Variants in ABCC6 observed in about 807,000 individuals in gnomAD.
ABCC6 encodes ATP binding cassette subfamily C member 6.
A neutral mutation model predicts 169.5 loss-of-function variants in ABCC6; 126 were observed. The observed-to-expected ratio is 0.74, with a 90% CI of 0.64 to 0.86. The LOEUF is 0.86. Among genes scored for constraint, ABCC6 ranks in the 40% least tolerant of loss-of-function variants. The pLI is 0.00. For missense variants in ABCC6, 1,733 were observed against 1,927.2 expected (o/e 0.90, Z 1.89); for synonymous variants, 752 against 814.7 (o/e 0.92, Z 1.31).
At chr16:16,220,864 T>G (rs1313305289) in intron 2 of ABCC6, among the ~76,000 whole-genome samples, 2 of 149,694 alleles carry the variant, frequency 1.3e-5, no homozygotes, top group African/African-American at 4.9e-5. Context: ...ACCATTGCAC[T>G]CCAGCCTGGG....
chr16:16,185,596 C>G (rs942753754), intron 14 of ABCC6, among the ~76,000 whole-genome samples: 1 of 152,080 alleles, frequency 6.6e-6, no homozygotes, highest in Non-Finnish European at 1.5e-5. Flanking sequence ...CCAGCCTGGC[C>G]AACATGGCAA....
At chr16:16,206,992 C>G (rs1014932955) in intron 7 of ABCC6, among the ~76,000 whole-genome samples, 2 of 152,158 alleles carry the variant, frequency 1.3e-5, no homozygotes, top group Admixed American at 6.5e-5. Flanking sequence ...ATTTAAAAAT[C>G]AGCTAGATGT....
At chr16:16,166,619 C>A (rs928763788) in intron 22 of ABCC6, among the ~76,000 whole-genome samples, 12 of 151,966 alleles carry the variant, frequency 7.9e-5, no homozygotes, top group Non-Finnish European at 1.3e-4. Context: ...GTGGCTCATG[C>A]CTGTAATCAC....
chr16:16,153,833 G>C (rs745733397), intron 29 of ABCC6, among the ~76,000 whole-genome samples: 7 of 151,256 alleles, frequency 4.6e-5, no homozygotes, highest in Non-Finnish European at 1.0e-4. Context: ...GAGCCTGGGA[G>C]GTGGAGGTTG....
At chr16:16,182,696 G>A in intron 16 of ABCC6, 108 bp from the exon 17 acceptor site, 1 of 1,468,238 alleles carries the variant, frequency 6.8e-7, no homozygotes, top group South Asian at 1.1e-5. Flanking sequence ...GAGGTGGAGA[G>A]AATGAGTGAA....
rs997131721 is a variant in ABCC6, at chr16:16,221,935, A to G, written c.37-104T>C. The G allele has an allele frequency of 1.7e-4, 277 of 1,584,070 alleles. 1 individual carries two copies. In the African/African-American group the frequency reaches 3.2e-3, roughly 18 times the overall value. ...TTTTTGGATCTTTAACATTTACACA[A>G]AAATGTACCAAGTACTCTTTGGAAT... On this transcript the variant is annotated intron_variant, in intron 1 of 30. Coordinates refer to ENST00000205557, the MANE Select transcript of ABCC6 (RefSeq NM_001171.6).
chr16:16,157,114 G>C (rs2046575872), intron 27 of ABCC6, among the ~76,000 whole-genome samples: 1 of 152,028 alleles, frequency 6.6e-6, no homozygotes, highest in Non-Finnish European at 1.5e-5. Context: ...AAATGGGATA[G>C]TACTAGCACC....
intron 7 of ABCC6, among the ~76,000 whole-genome samples, chr16:16,208,246 A>C (rs2048457897): frequency 6.6e-6 from 1 of 152,154 alleles, no homozygotes; most frequent in African/African-American, 2.4e-5. Flanking sequence ...CTTAAGCCTG[A>C]TACTACTTAG....
intron 23 of ABCC6, 90 bp downstream of exon 23, chr16:16,165,533 G>T: frequency 6.9e-7 from 1 of 1,452,826 alleles, no homozygotes; most frequent in Non-Finnish European, 9.6e-7. Flanking sequence ...CCAGCTGGGT[G>T]AAACCTCATA....
chr16:16,212,714 A>T lies in ABCC6; in HGVS notation c.601-468T>A, dbSNP rs2048680915. Among the ~76,000 whole-genome samples, 3 of 151,956 alleles carry T rather than the reference A, an allele frequency of 2.0e-5. No individual in the cohort carries two copies. The South Asian group carries it at 6.2e-4, about 31-fold the overall frequency. On this transcript the variant is annotated intron_variant, in intron 5 of 30. Transcript: ENST00000205557. ...GCTTCCCAGCAGGCAGCGTAAAAAGAGGTTGGGCCACAGGCCTGACAATGT... is the reference window on the plus strand; with the variant it reads ...GCTTCCCAGCAGGCAGCGTAAAAAGTGGTTGGGCCACAGGCCTGACAATGT...
chr16:16,207,022 C>T (rs2048414008), intron 7 of ABCC6, among the ~76,000 whole-genome samples: 1 of 152,204 alleles, frequency 6.6e-6, no homozygotes, highest in South Asian at 2.1e-4. Flanking sequence ...CGCCTGTGGT[C>T]CCAGCTACTC....
intron 10 of ABCC6, among the ~76,000 whole-genome samples, chr16:16,197,416 A>G (rs576007293): frequency 2.0e-5 from 3 of 150,106 alleles, no homozygotes; most frequent in East Asian, 2.0e-4. Flanking sequence ...GGAGGAGGAG[A>G]AGGAGGAGAT....
chr16:16,191,386 G>C (rs1333946904), intron 11 of ABCC6, among the ~76,000 whole-genome samples: 2 of 152,038 alleles, frequency 1.3e-5, no homozygotes, highest in Non-Finnish European at 2.9e-5. Flanking sequence ...AAAGTGCTGG[G>C]ATTACAGGTG....
chr16:16,205,914 A>C (rs1416533541), intron 7 of ABCC6, among the ~76,000 whole-genome samples: 2 of 152,074 alleles, frequency 1.3e-5, no homozygotes, highest in Non-Finnish European at 2.9e-5. Flanking sequence ...TACTGTTATA[A>C]AAATTTATAG....
chr16:16,182,302 C>G, intron 17 of ABCC6, 110 bp downstream of exon 17: 1 of 1,429,190 alleles, frequency 7.0e-7, no homozygotes, highest in Non-Finnish European at 9.9e-7. Flanking sequence ...TCCGCTACTT[C>G]CCTAACCATT....
At chr16:16,201,914 G>T in intron 9 of ABCC6, 87 bp downstream of exon 9, 4 of 1,485,674 alleles carry the variant, frequency 2.7e-6, no homozygotes, top group African/African-American at 1.4e-5. Flanking sequence ...GACTGAATGC[G>T]TTCTCAGCTG....
chr16:16,159,486 T>G lies in ABCC6; in HGVS notation c.3731A>C (p.Lys1244Thr), dbSNP rs2046645365. 6.2e-7 allele frequency: 1 copy of G among 1,611,854 alleles called. No homozygotes were observed. The highest frequency in any genetic ancestry group is 1.1e-5 in the South Asian group (1 of 91,056). ...TCCCCACCTCCCGCCCATCACCTCC[T>G]TGGGCGTCCAGGCATAGTCCTGCAT... is the stretch of plus-strand genomic sequence containing the variant. ...ERMQDYAWTP[K>T]EAPWRLPTCA... Residue 1244 changes from lysine (K) to threonine (T), a missense_variant, in exon 26 of 31, where the codon AAG (lysine) becomes ACG (threonine). Around this residue, in one of 5 missense-constraint regions of ABCC6, gnomAD observed 1,601 missense variants for 1,635.5 expected, o/e 0.98. Transcript: ENST00000205557.
chr16:16,151,574 A>G (rs1029454703), intron 29 of ABCC6, among the ~76,000 whole-genome samples: 7 of 152,176 alleles, frequency 4.6e-5, no homozygotes, highest in African/African-American at 1.7e-4. Context: ...ACAGATGTGT[A>G]CAACACCTGG....
intron 9 of ABCC6, among the ~76,000 whole-genome samples, chr16:16,201,401 G>A (rs2048231521): frequency 6.6e-6 from 1 of 152,192 alleles, no homozygotes; most frequent in African/African-American, 2.4e-5. Flanking sequence ...AAATTAGATT[G>A]GGGGAGTAGA....
Sources: gnomAD v4.1 joint callset for allele counts (sites outside exome capture counted in the v4.1 genomes callset) on GRCh38, gnomAD v4.1.1 for gene constraint, gnomAD v4.1.1 regional missense constraint, MANE v1.5 for transcripts, NCBI Gene and HGNC (gene_info 2026-07-23, HGNC 2026-07-21) for gene names.